RBM18: variants seen among roughly 807,000 people sequenced by gnomAD.
RBM18 encodes the protein probable RNA-binding protein 18.
A neutral mutation model predicts 26.4 loss-of-function variants in RBM18; 18 were observed. That is an observed-to-expected ratio of 0.68 (90% CI 0.47 to 1.01). RBM18 has a LOEUF of 1.01. Among genes scored for constraint, RBM18 ranks in the 50% least tolerant of loss-of-function variants. The pLI is 0.00. For synonymous variants in RBM18, 74 were observed against 81.1 expected, an observed-to-expected ratio of 0.91 and a Z score of 0.47; for missense variants, 180 against 219.2, an observed-to-expected ratio of 0.82 and a Z score of 1.13.
intron 5 of RBM18, 73 bp downstream of exon 5, chr9:122,245,182 TG>T: frequency 1.2e-6 from 1 of 859,796 alleles, no homozygotes; most frequent in Non-Finnish European, 1.9e-6. Context: ...CACTATTTTA[TG>T]AACGAAGACA....
intron 2 of RBM18, among the ~76,000 whole-genome samples, chr9:122,259,641 T>G (rs1831753980): frequency 6.6e-6 from 1 of 152,180 alleles, no homozygotes; most frequent in South Asian, 2.1e-4. Flanking sequence ...TTATATCCTT[T>G]TCTTCTCTTT....
chr9:122,261,593 T>C, intron 1 of RBM18, 85 bp from the exon 2 acceptor site: 1 of 917,652 alleles, frequency 1.1e-6, no homozygotes, highest in Non-Finnish European at 1.7e-6. Context: ...AAACATTTAT[T>C]CAAGGAGGGC....
At chr9:122,242,181 T>A in intron 5 of RBM18, 138 bp from the exon 6 acceptor site, 1 of 834,146 alleles carries the variant, frequency 1.2e-6, no homozygotes, top group African/African-American at 1.7e-5. Context: ...ACATTTTATA[T>A]AAAAGCCAGA....
Position 122,239,192 on chromosome 9 carries a change from T to C in RBM18, c.*2692A>G, listed in dbSNP as rs963860022. On this transcript the variant is annotated 3_prime_UTR_variant, in exon 6 of 6. Coordinates refer to ENST00000417201, the MANE Select transcript of RBM18 (RefSeq NM_033117.4). ...GCAGAATACCTGGTTTCATACAACT[T>C]GTGCAACTGATTTTTGACCTGTTTT... 2.0e-5 allele frequency: 3 copies of C among 151,582 alleles called. No homozygotes were observed. Among genetic ancestry groups the C allele is most frequent in the Non-Finnish European group, 4.4e-5 (3 of 67,954 alleles). The allele number at this position is 151,582 out of a possible 1,614,324, so 9.4% of individuals were successfully genotyped here.
chr9:122,254,573 A>T (rs1831659359), intron 2 of RBM18, among the ~76,000 whole-genome samples: 1 of 152,226 alleles, frequency 6.6e-6, no homozygotes, highest in Admixed American at 6.5e-5. Flanking sequence ...GAGCTGGAAA[A>T]TTAGCACACC....
At chr9:122,261,346 T>C (rs1587982036) in intron 2 of RBM18, 34 bp downstream of exon 2, 5 of 1,422,574 alleles carry the variant, frequency 3.5e-6, no homozygotes, top group Admixed American at 3.3e-5. Flanking sequence ...CATCCCAATA[T>C]TGTAGGTAAA....
rs77650594 is a variant in RBM18, at chr9:122,254,921, T to C, written c.114-2948A>G. Among the ~76,000 whole-genome samples, 136 of 44,038 alleles carry C rather than the reference T, an allele frequency of 3.1e-3. 2 individuals are homozygous for C. In the East Asian group the frequency reaches 0.29, roughly 95 times the overall value. The allele number at this position is 44,038 out of a possible 152,430, so 28.9% of individuals were successfully genotyped here. A position where few individuals can be genotyped will look rare whatever the true frequency, so the allele number is the denominator to read the frequency against. On this transcript the variant is annotated intron_variant, in intron 2 of 5. Transcript: ENST00000417201. Reference sequence around the variant, plus strand: ...GTTAAGGAGAGCTTTGTGAAAGGAGTGATATCTGACTGGGTTGTGTCAGTG... The same window carrying C: ...GTTAAGGAGAGCTTTGTGAAAGGAGCGATATCTGACTGGGTTGTGTCAGTG...
rs761646512 is a variant in RBM18, at chr9:122,245,253, T to TA, written c.413+2dup. On this transcript the variant is annotated splice_region_variant and intron_variant, in intron 5 of 5. Transcript: ENST00000417201. ...TGTGTCTTTCTATAGTACATCATCTTACCTTAGGTTAGACTGAGTAGGCTC... is the reference window on the plus strand; with the variant it reads ...TGTGTCTTTCTATAGTACATCATCTTAACCTTAGGTTAGACTGAGTAGGCTC... The TA allele has an allele frequency of 9.6e-6, 15 of 1,554,664 alleles. No homozygotes were observed. The highest frequency in any genetic ancestry group is 1.3e-5 in the Non-Finnish European group (15 of 1,127,248).
intron 2 of RBM18, among the ~76,000 whole-genome samples, chr9:122,258,818 C>T (rs548128177): frequency 1.1e-4 from 16 of 148,270 alleles, no homozygotes; most frequent in African/African-American, 3.2e-4. Context: ...GGCATGGTGG[C>T]GAGCACCTGT....
chr9:122,263,169 A>G (rs368644677), intron 1 of RBM18, among the ~76,000 whole-genome samples: 17 of 152,248 alleles, frequency 1.1e-4, no homozygotes, highest in African/African-American at 4.1e-4. Context: ...ATCTCAGCAC[A>G]CCCTGTAAAG....
chr9:122,255,309 G>C (rs979204589), intron 2 of RBM18, among the ~76,000 whole-genome samples: 1 of 152,148 alleles, frequency 6.6e-6, no homozygotes, highest in South Asian at 2.1e-4. Context: ...AAGAAGTATG[G>C]ACAATGAGGA....
intron 1 of RBM18, among the ~76,000 whole-genome samples, chr9:122,262,836 C>T (rs1327587213): frequency 2.0e-5 from 3 of 152,162 alleles, no homozygotes; most frequent in African/African-American, 4.8e-5. Flanking sequence ...CCATCCACGT[C>T]GGCCTCTCAA....
chr9:122,259,201 A>G (rs2118974420), intron 2 of RBM18, among the ~76,000 whole-genome samples: 1 of 152,290 alleles, frequency 6.6e-6, no homozygotes, highest in East Asian at 1.9e-4. Flanking sequence ...TGCCCATTTG[A>G]ACCTTCCCGT....
chr9:122,254,232 C>T, intron 2 of RBM18: 2 of 388,192 alleles, frequency 5.2e-6, no homozygotes, highest in Non-Finnish European at 7.0e-6. Flanking sequence ...AAAGATTACT[C>T]TTTGTAAAGC....
At chr9:122,261,983 A>G (rs1048362433) in intron 1 of RBM18, among the ~76,000 whole-genome samples, 7 of 152,226 alleles carry the variant, frequency 4.6e-5, no homozygotes, top group Admixed American at 4.6e-4. Context: ...AAGAGGCAAT[A>G]TAAGAAATCT....
At position 122,252,039 on chromosome 9, in the gene RBM18, G is replaced by A. The variant is rs989916373; in HGVS notation, c.114-66C>T. 5.0e-6 allele frequency: 8 copies of A among 1,595,364 alleles called. No homozygotes were observed. The African/African-American group carries it at 1.1e-4, about 21-fold the overall frequency. ...CTGTTGGCCACTCAGCCTGAAGTGT[G>A]AGATAAAAGCAGGAGATAATTTACC... is the stretch of plus-strand genomic sequence containing the variant. On this transcript the variant is annotated intron_variant, in intron 2 of 5. Coordinates refer to ENST00000417201, the MANE Select transcript of RBM18 (RefSeq NM_033117.4).
At chr9:122,243,665 T>G (rs1368711236) in intron 5 of RBM18, 3 of 906,900 alleles carry the variant, frequency 3.3e-6, no homozygotes. Flanking sequence ...ATACATGGGC[T>G]TTTGGAGATC....
rs1483195426 is a variant in RBM18 at position 122,237,870 on chromosome 9, T to C, written c.*4014A>G. The C allele has an allele frequency of 6.6e-5, 10 of 152,244 alleles. No individual in the cohort carries two copies. Among genetic ancestry groups the C allele is most frequent in the Non-Finnish European group, 1.5e-5 (1 of 68,044 alleles). The allele number at this position is 152,244 out of a possible 1,614,324, so 9.4% of individuals were successfully genotyped here. Reference sequence around the variant, plus strand: ...CTGGGCATGGTTGTGTTCTAATAGTTATTAACATACACTGAGATTTGAATT... The same window carrying C: ...CTGGGCATGGTTGTGTTCTAATAGTCATTAACATACACTGAGATTTGAATT... On this transcript the variant is annotated 3_prime_UTR_variant, in exon 6 of 6. Transcript: ENST00000417201.
chr9:122,249,204 T>C (rs777180446), intron 3 of RBM18, among the ~76,000 whole-genome samples: 20 of 152,178 alleles, frequency 1.3e-4, no homozygotes, highest in Non-Finnish European at 2.1e-4. Flanking sequence ...TTTTTTTTTA[T>C]ACTTTCATCT....
Sources: allele counts gnomAD v4.1 joint callset (sites outside exome capture counted in the v4.1 genomes callset), GRCh38; gene constraint gnomAD v4.1.1; transcripts MANE v1.5; gene names NCBI Gene and HGNC (gene_info 2026-07-23, HGNC 2026-07-21).